Variants in TAFA2 observed in about 807,000 individuals in gnomAD.
The protein encoded by TAFA2 is TAFA chemokine like family member 2, also known as chemokine-like protein TAFA-2.
A neutral mutation model predicts 18.8 loss-of-function variants in TAFA2; 7 were observed. The ratio of observed to expected loss-of-function variants is 0.37; its 90% CI spans 0.21 to 0.70. The LOEUF (loss-of-function observed/expected upper bound fraction) is 0.70, where lower values mean the gene tolerates loss of function less well. Among genes scored for constraint, TAFA2 ranks in the 30% least tolerant of loss-of-function variants. The pLI is 0.53. For missense variants in TAFA2, 122 were observed against 158.1 expected (o/e 0.77, Z 1.23); for synonymous variants, 60 against 54.2 (o/e 1.11, Z -0.47).
At chr12:62,242,730 A>G (rs1360757673) in intron 1 of TAFA2, among the ~76,000 whole-genome samples, 1 of 152,236 alleles carries the variant, frequency 6.6e-6, no homozygotes, top group Non-Finnish European at 1.5e-5. Context: ...TTTAATGGAG[A>G]TAAATATCTG....
At chr12:61,746,195 G>C (rs1164991663) in intron 4 of TAFA2, among the ~76,000 whole-genome samples, 1 of 152,010 alleles carries the variant, frequency 6.6e-6, no homozygotes, top group Non-Finnish European at 1.5e-5. Context: ...AGTCTCATGA[G>C]ATCTGATGGT....
intron 1 of TAFA2, among the ~76,000 whole-genome samples, chr12:61,956,933 C>T (rs1473461712): frequency 1.3e-5 from 2 of 152,126 alleles, no homozygotes; most frequent in Non-Finnish European, 2.9e-5. Context: ...CACACATTAT[C>T]TACCAAAGTA....
chr12:61,785,255 C>T (rs1170444901), intron 2 of TAFA2, among the ~76,000 whole-genome samples: 1 of 150,590 alleles, frequency 6.6e-6, no homozygotes, highest in African/African-American at 2.4e-5. Flanking sequence ...ACGTAATGTC[C>T]TCCAGTTCCA....
chr12:61,917,434 T>C (rs913757042), intron 1 of TAFA2, among the ~76,000 whole-genome samples: 1 of 152,190 alleles, frequency 6.6e-6, no homozygotes, highest in Non-Finnish European at 1.5e-5. Context: ...CTCTGCTTGA[T>C]TATGATCACT....
At chr12:62,130,119 T>G (rs1307709695) in intron 1 of TAFA2, among the ~76,000 whole-genome samples, 1 of 151,946 alleles carries the variant, frequency 6.6e-6, no homozygotes, top group African/African-American at 2.4e-5. Flanking sequence ...TAACAGTAAA[T>G]TATAAGACAA....
chr12:61,805,945 C>T (rs1466811603), intron 2 of TAFA2, among the ~76,000 whole-genome samples: 2 of 152,164 alleles, frequency 1.3e-5, no homozygotes, highest in East Asian at 1.9e-4. Flanking sequence ...TAACTACAAA[C>T]ATATCTCACC....
intron 2 of TAFA2, among the ~76,000 whole-genome samples, chr12:61,800,614 T>C (rs1186557487): frequency 1.3e-5 from 2 of 152,024 alleles, no homozygotes; most frequent in East Asian, 1.9e-4. Flanking sequence ...TTAGCAATAA[T>C]AGAGCTCAGA....
chr12:62,022,255 C>A, intron 1 of TAFA2: 1 of 226,808 alleles, frequency 4.4e-6, no homozygotes. Flanking sequence ...CTAAAGACTT[C>A]CAATTTCATA....
chr12:61,951,661 G>A (rs1259488440), intron 1 of TAFA2, among the ~76,000 whole-genome samples: 4 of 152,056 alleles, frequency 2.6e-5, no homozygotes, highest in South Asian at 2.1e-4. Context: ...TAAAGATGGC[G>A]TTTGAAGGAA....
intron 1 of TAFA2, among the ~76,000 whole-genome samples, chr12:62,213,739 A>C (rs2136974525): frequency 6.6e-6 from 1 of 152,286 alleles, no homozygotes; most frequent in South Asian, 2.1e-4. Flanking sequence ...TTTACAATCC[A>C]AGTTAAATAA....
intron 1 of TAFA2, among the ~76,000 whole-genome samples, chr12:62,080,666 CT>C (rs1257432359): frequency 6.6e-6 from 1 of 152,112 alleles, no homozygotes; most frequent in Non-Finnish European, 1.5e-5. Flanking sequence ...CCCTGAACTT[CT>C]TTGGTCTTCA....
At chr12:61,873,041 A>AT (rs1176847050) in intron 1 of TAFA2, among the ~76,000 whole-genome samples, 1 of 152,234 alleles carries the variant, frequency 6.6e-6, no homozygotes, top group Non-Finnish European at 1.5e-5. Flanking sequence ...TCTAGCACAT[A>AT]GAACATCACC....
At chr12:61,920,922 G>A (rs893493635) in intron 1 of TAFA2, among the ~76,000 whole-genome samples, 7 of 151,866 alleles carry the variant, frequency 4.6e-5, no homozygotes, top group Admixed American at 2.0e-4. Flanking sequence ...ACTTAAAGAA[G>A]ATGAGTGAGT....
At chr12:62,215,710 C>G (rs1285618455) in intron 1 of TAFA2, among the ~76,000 whole-genome samples, 2 of 139,902 alleles carry the variant, frequency 1.4e-5, no homozygotes, top group African/African-American at 5.3e-5. Context: ...AGAGAAACAA[C>G]TTGTTTCTCT....
rs115673761 is a variant in TAFA2 at position 62,248,807 on chromosome 12, G to A, written c.-130+9956C>T. ...CTAACTTAAACATTTTTAAGTGTGT[G>A]ATTTAGTAGTTAAGTACATTAACAT... On this transcript the variant is annotated intron_variant, in intron 1 of 5. Coordinates refer to the TAFA2 transcript ENST00000551619. Among the ~76,000 whole-genome samples, 475 of 152,236 alleles carry A rather than the reference G, an allele frequency of 3.1e-3. 2 individuals are homozygous for A. Among genetic ancestry groups the A allele is most frequent in the African/African-American group, 0.011 (448 of 41,534 alleles).
At chr12:62,223,332 A>G (rs1162050991) in intron 1 of TAFA2, among the ~76,000 whole-genome samples, 2 of 152,054 alleles carry the variant, frequency 1.3e-5, no homozygotes, top group African/African-American at 4.8e-5. Flanking sequence ...GCATGCGCCA[A>G]CCATCCCTGG....
chr12:62,047,262 G>A (rs1174681733), intron 1 of TAFA2, among the ~76,000 whole-genome samples: 3 of 152,096 alleles, frequency 2.0e-5, no homozygotes, highest in East Asian at 1.9e-4. Context: ...GGAAGGCTAG[G>A]TCGCAGAAAG....
intron 1 of TAFA2, among the ~76,000 whole-genome samples, chr12:61,924,455 A>C (rs1877191003): frequency 6.6e-6 from 1 of 152,210 alleles, no homozygotes; most frequent in Admixed American, 6.5e-5. Flanking sequence ...AAAGAAAAGA[A>C]TTTTCAACAC....
At chr12:61,798,544 A>T (rs1220202640) in intron 2 of TAFA2, among the ~76,000 whole-genome samples, 1 of 152,096 alleles carries the variant, frequency 6.6e-6, no homozygotes, top group Non-Finnish European at 1.5e-5. Context: ...CTGCTAAACA[A>T]TAACTCCCCA....
Sources: allele counts gnomAD v4.1 joint callset (sites outside exome capture counted in the v4.1 genomes callset), GRCh38; gene constraint gnomAD v4.1.1; transcripts MANE v1.5; gene names NCBI Gene and HGNC (gene_info 2026-07-23, HGNC 2026-07-21).